The following RBFOX1 variants were observed in gnomAD, a reference collection of about 807,000 sequenced individuals.
The protein encoded by RBFOX1 is RNA binding fox-1 homolog 1.
A neutral mutation model predicts 57.7 loss-of-function variants in RBFOX1; 8 were observed. The observed-to-expected ratio is 0.14, with a 90% confidence interval of 0.08 to 0.25. RBFOX1 has a LOEUF of 0.25. Ranked by LOEUF, RBFOX1 falls within the 10% of genes least tolerant of loss-of-function variation. RBFOX1 has a pLI of 1.00. For missense variants in RBFOX1, 611 were observed against 548.5 expected (o/e 1.11, Z -1.14); for synonymous variants, 326 against 222.4 (o/e 1.47, Z -4.15).
At chr16:6,408,552 A>C (rs2093360532) in intron 2 of RBFOX1, among the ~76,000 whole-genome samples, 1 of 152,132 alleles carries the variant, frequency 6.6e-6, no homozygotes, top group African/African-American at 2.4e-5. Flanking sequence ...TCAGAGCGTT[A>C]TTGATGGAAC....
chr16:7,438,930 A>G (rs541762262), intron 4 of RBFOX1, among the ~76,000 whole-genome samples: 1 of 152,312 alleles, frequency 6.6e-6, no homozygotes, highest in South Asian at 2.1e-4. Context: ...CCCTGGGAAT[A>G]AAAAGAAAGC....
At chr16:7,282,385 A>T (rs2095562910) in intron 4 of RBFOX1, among the ~76,000 whole-genome samples, 1 of 152,128 alleles carries the variant, frequency 6.6e-6, no homozygotes, top group African/African-American at 2.4e-5. Flanking sequence ...ACAGAAACTC[A>T]CCCTGTATGA....
chr16:5,914,858 G>A (rs2058672905), intron 4 of RBFOX1, among the ~76,000 whole-genome samples: 4 of 152,030 alleles, frequency 2.6e-5, no homozygotes, highest in Admixed American at 2.6e-4. Context: ...CTGTGCCACT[G>A]CACTCCAGCC....
chr16:7,066,983 C>T (rs1405768292), intron 4 of RBFOX1, among the ~76,000 whole-genome samples: 2 of 152,134 alleles, frequency 1.3e-5, no homozygotes, highest in African/African-American at 4.8e-5. Flanking sequence ...CATGGAAATG[C>T]CTCTTTATGC....
chr16:5,507,270 C>G (rs1057099884), intron 2 of RBFOX1, among the ~76,000 whole-genome samples: 2 of 152,114 alleles, frequency 1.3e-5, no homozygotes, highest in African/African-American at 4.8e-5. Context: ...ATACCATTTG[C>G]CATGATTGGA....
At chr16:7,260,178 T>C (rs113495045) in intron 4 of RBFOX1, among the ~76,000 whole-genome samples, 1,886 of 152,322 alleles carry the variant, frequency 0.012, 39 homozygotes, top group African/African-American at 0.043. Context: ...ACCAAGACTT[T>C]CATATCATTA....
intron 1 of RBFOX1, among the ~76,000 whole-genome samples, chr16:5,254,549 G>A (rs1413836616): frequency 6.6e-6 from 1 of 152,152 alleles, no homozygotes; most frequent in Non-Finnish European, 1.5e-5. Context: ...TTCAGCTTCA[G>A]TTATGCAAAA....
intron 4 of RBFOX1, among the ~76,000 whole-genome samples, chr16:7,290,507 CA>C (rs757203359): frequency 4.6e-4 from 70 of 152,286 alleles, no homozygotes; most frequent in Middle Eastern, 6.8e-3. Flanking sequence ...ACACTATTTT[CA>C]AAAGGTAGCT....
chr16:6,598,238 C>T (rs1011764893), intron 2 of RBFOX1, among the ~76,000 whole-genome samples: 2 of 152,274 alleles, frequency 1.3e-5, no homozygotes, highest in Non-Finnish European at 1.5e-5. Flanking sequence ...TTCTAACTTG[C>T]CTTTTTTTCA....
intron 4 of RBFOX1, among the ~76,000 whole-genome samples, chr16:7,226,498 T>G (rs1160602615): frequency 6.6e-6 from 1 of 152,212 alleles, no homozygotes; most frequent in East Asian, 1.9e-4. Context: ...GTGTACATTC[T>G]GAGGGCAAAA....
chr16:5,849,298 A>G (rs554380954), intron 3 of RBFOX1, among the ~76,000 whole-genome samples: 2 of 152,250 alleles, frequency 1.3e-5, no homozygotes, highest in East Asian at 3.9e-4. Flanking sequence ...GATTTGGGAA[A>G]TGGCAGTAAC....
chr16:6,790,397 C>G (rs2082718165), intron 3 of RBFOX1, among the ~76,000 whole-genome samples: 1 of 152,004 alleles, frequency 6.6e-6, no homozygotes, highest in African/African-American at 2.4e-5. Context: ...GTTTGCCTGG[C>G]TGGTCTTGAA....
chr16:6,453,567 G>T, intron 2 of RBFOX1, among the ~76,000 whole-genome samples: 1 of 152,150 alleles, frequency 6.6e-6, no homozygotes, highest in African/African-American at 2.4e-5. Context: ...AAAAGCCCAG[G>T]ACCAGACGGA....
At chr16:5,608,144 TC>T (rs1385692839) in intron 3 of RBFOX1, among the ~76,000 whole-genome samples, 1 of 152,170 alleles carries the variant, frequency 6.6e-6, no homozygotes, top group Non-Finnish European at 1.5e-5. Flanking sequence ...TGACTATGAA[TC>T]CCACTTGGAA....
At chr16:7,666,325 A>G (rs1288988678) in intron 13 of RBFOX1, among the ~76,000 whole-genome samples, 1 of 152,120 alleles carries the variant, frequency 6.6e-6, no homozygotes, top group Admixed American at 6.5e-5. Flanking sequence ...TAGACAAGGG[A>G]TAGAGAAATG....
At chr16:5,591,055 C>G (rs573403667) in intron 2 of RBFOX1, among the ~76,000 whole-genome samples, 1 of 151,684 alleles carries the variant, frequency 6.6e-6, no homozygotes, top group African/African-American at 2.4e-5. Flanking sequence ...GAAATGAAGC[C>G]TTACCCAAAG....
At chr16:6,776,450 A>C (rs192260611) in intron 3 of RBFOX1, among the ~76,000 whole-genome samples, 130 of 145,518 alleles carry the variant, frequency 8.9e-4, no homozygotes, top group Admixed American at 3.4e-3. Context: ...AACAAACAAA[A>C]AAACATCAAG....
chr16:6,358,910 C>T (rs1351931378), intron 2 of RBFOX1, among the ~76,000 whole-genome samples: 1 of 152,162 alleles, frequency 6.6e-6, no homozygotes, highest in African/African-American at 2.4e-5. Flanking sequence ...GAGTTCGAAA[C>T]ATGAAGGGTA....
intron 1 of RBFOX1, among the ~76,000 whole-genome samples, chr16:6,215,828 G>A (rs1478587655): frequency 2.0e-5 from 3 of 152,102 alleles, no homozygotes; most frequent in Non-Finnish European, 4.4e-5. Context: ...ACATCCCAAT[G>A]GGTTGAATGT....
Sources: gnomAD v4.1 joint callset for allele counts (sites outside exome capture counted in the v4.1 genomes callset) on GRCh38, gnomAD v4.1.1 for gene constraint, MANE v1.5 for transcripts, NCBI Gene and HGNC (gene_info 2026-07-23, HGNC 2026-07-21) for gene names.